Variants in CTNNBIP1 observed in about 807,000 individuals in gnomAD.
CTNNBIP1 encodes beta-catenin-interacting protein 1.
A neutral mutation model predicts 11.8 loss-of-function variants in CTNNBIP1; 7 were observed. That is an observed-to-expected ratio of 0.60 (90% CI 0.34 to 1.12). CTNNBIP1 has a LOEUF of 1.12. CTNNBIP1 is among the 50% of genes most tolerant of loss of function. The pLI is 0.03. For missense variants in CTNNBIP1, 101 were observed against 113.4 expected, an observed-to-expected ratio of 0.89 and a Z score of 0.50; for synonymous variants, 58 against 43.9, an observed-to-expected ratio of 1.32 and a Z score of -1.26.
In CTNNBIP1 at chr1:9,851,168, A is replaced by T. The variant is rs1388873882; in HGVS notation, c.188-392T>A. Reference sequence around the variant, plus strand: ...GGGAACCTCCCTCTTTCTTCTCAAGACTCGCGTCTTGATGCCTTCGGAGGG... The same window carrying T: ...GGGAACCTCCCTCTTTCTTCTCAAGTCTCGCGTCTTGATGCCTTCGGAGGG... On this transcript the variant is annotated intron_variant, in intron 5 of 5. Transcript: ENST00000377263. This position sits in a 1 kb window ranked among gnomAD's most constrained non-coding sequence, Gnocchi z 4.8. 6.6e-6 allele frequency among the ~76,000 whole-genome samples: 1 copy of T among 151,920 alleles called. No homozygotes were observed. The highest frequency in any genetic ancestry group is 1.5e-5 in the Non-Finnish European group (1 of 68,000).
chr1:9,881,778 C>T (rs1044257159), intron 2 of CTNNBIP1, among the ~76,000 whole-genome samples: 5 of 152,152 alleles, frequency 3.3e-5, no homozygotes, highest in Non-Finnish European at 5.9e-5. Context: ...TAAGTAGACA[C>T]TAAATGGACT....
rs1293945126 is a variant in CTNNBIP1, at chr1:9,871,334, C to A, written c.97-57G>T. Reference sequence around the variant, plus strand: ...GCATGCACCTGTTCCCTGAAAGGCACCTGCACCCCTAGAGGCACCGCCTAG... The same window carrying A: ...GCATGCACCTGTTCCCTGAAAGGCAACTGCACCCCTAGAGGCACCGCCTAG... On this transcript the variant is annotated intron_variant, in intron 4 of 5. Coordinates refer to ENST00000377263, the MANE Select transcript of CTNNBIP1 (RefSeq NM_020248.3). The surrounding 1 kb of genome is among the most constrained non-coding windows in gnomAD (Gnocchi z 5.2). 1 of 1,309,192 alleles carries A rather than the reference C, an allele frequency of 7.6e-7. No individual in the cohort carries two copies. The allele number at this position is 1,309,192 out of a possible 1,614,324, so 81.1% of individuals were successfully genotyped here.
intron 1 of CTNNBIP1, among the ~76,000 whole-genome samples, chr1:9,906,312 C>A (rs1039157846): frequency 1.3e-5 from 2 of 152,104 alleles, no homozygotes; most frequent in Non-Finnish European, 2.9e-5. Flanking sequence ...AATCCCAACA[C>A]TTTAGGAGGC....
chr1:9,873,485 G>A (rs1301288866), intron 3 of CTNNBIP1, among the ~76,000 whole-genome samples: 2 of 152,108 alleles, frequency 1.3e-5, no homozygotes, highest in African/African-American at 4.8e-5. Flanking sequence ...CTCTGTTCTG[G>A]GGTATCACTC....
intron 5 of CTNNBIP1, among the ~76,000 whole-genome samples, chr1:9,852,753 T>C (rs973514014): frequency 7.2e-5 from 11 of 152,326 alleles, no homozygotes; most frequent in African/African-American, 2.6e-4. Flanking sequence ...GTGGCAGTGA[T>C]GGTGGCAGCC....
At chr1:9,900,764 T>C (rs771038503) in intron 1 of CTNNBIP1, among the ~76,000 whole-genome samples, 5 of 152,292 alleles carry the variant, frequency 3.3e-5, no homozygotes, top group South Asian at 4.1e-4. Context: ...AGCCCCACCA[T>C]GTCTTCCAAA....
chr1:9,888,912 C>G (rs1639241088), intron 1 of CTNNBIP1, among the ~76,000 whole-genome samples: 1 of 152,210 alleles, frequency 6.6e-6, no homozygotes, highest in African/African-American at 2.4e-5. Flanking sequence ...TCCACCTGAC[C>G]TCATTCAATA....
At chr1:9,885,136 T>C (rs1391943670) in intron 1 of CTNNBIP1, among the ~76,000 whole-genome samples, 1 of 151,364 alleles carries the variant, frequency 6.6e-6, no homozygotes. Context: ...CAGCAGAGGG[T>C]GAGGGTTCAA....
chr1:9,887,731 C>T (rs1639214806), intron 1 of CTNNBIP1, among the ~76,000 whole-genome samples: 2 of 151,882 alleles, frequency 1.3e-5, no homozygotes, highest in South Asian at 4.1e-4. Context: ...GAAAAATCCA[C>T]CTTACAGGAA....
Position 9,852,252 on chromosome 1 carries a change from GGGAGGGCCAGAGAT to G in CTNNBIP1, c.188-1490_188-1477del, listed in dbSNP as rs1638406764. On this transcript the variant is annotated intron_variant, in intron 5 of 5. Transcript: ENST00000377263. ...GAGAGGGAGGACGCACCCAGCTGTC[GGGAGGGCCAGAGAT>G]GGAGGGCCCAACTACAAGGATGCAA... Among the ~76,000 whole-genome samples the G allele has an allele frequency of 2.0e-5, 3 of 152,112 alleles. No individual in the cohort carries two copies. The South Asian group carries it at 6.2e-4, about 32-fold the overall frequency.
Position 9,871,865 on chromosome 1 carries a change from G to T in CTNNBIP1, c.96+104C>A. On this transcript the variant is annotated intron_variant, in intron 4 of 5. Transcript: ENST00000377263. The surrounding 1 kb of genome is among the most constrained non-coding windows in gnomAD (Gnocchi z 5.2). ...CGGCCCCTCCTCAGCCCGTGGCTCC[G>T]CAGGAGGCAGCCGCAGTGGCTCCAC... is the stretch of plus-strand genomic sequence containing the variant. 1 of 991,818 alleles carries T rather than the reference G, an allele frequency of 1.0e-6. No individual in the cohort carries two copies. Among genetic ancestry groups the T allele is most frequent in the Middle Eastern group, 2.2e-4 (1 of 4,522 alleles). 61.4% of individuals were successfully genotyped at this position (991,818 alleles called of 1,614,324 possible).
chr1:9,876,841 T>TACACACAC (rs1368991651), intron 3 of CTNNBIP1, among the ~76,000 whole-genome samples: 2 of 97,312 alleles, frequency 2.1e-5, no homozygotes, highest in Non-Finnish European at 3.9e-5. Flanking sequence ...ACTCCTGCTA[T>TACACACAC]ACATACACAC....
Position 9,872,707 on chromosome 1 carries a change from T to C in CTNNBIP1, c.-24-619A>G, listed in dbSNP as rs145152171. Among the ~76,000 whole-genome samples the C allele has an allele frequency of 1.5e-4, 23 of 152,142 alleles. No homozygotes were observed. The highest frequency in any genetic ancestry group is 4.8e-4 in the African/African-American group (20 of 41,514). On this transcript the variant is annotated intron_variant, in intron 3 of 5. Transcript: ENST00000377263. This position sits in a 1 kb window ranked among gnomAD's most constrained non-coding sequence, Gnocchi z 4.0. ...GTTGCAGGGCTTGCTACCTCAGCCCTCACAAACCCACCCCACCTGTCAGAG... is the reference window on the plus strand; with the variant it reads ...GTTGCAGGGCTTGCTACCTCAGCCCCCACAAACCCACCCCACCTGTCAGAG...
intron 5 of CTNNBIP1, among the ~76,000 whole-genome samples, chr1:9,866,786 A>G (rs760871343): frequency 3.3e-5 from 5 of 151,898 alleles, no homozygotes; most frequent in Non-Finnish European, 5.9e-5. Flanking sequence ...GCAAGATGGG[A>G]AGTCGAGATG....
At chr1:9,888,936 G>A (rs866670861) in intron 1 of CTNNBIP1, among the ~76,000 whole-genome samples, 5 of 152,190 alleles carry the variant, frequency 3.3e-5, no homozygotes, top group Non-Finnish European at 7.3e-5. Flanking sequence ...CCCCGCAATG[G>A]CCAGAATGCA....
chr1:9,897,221 G>A (rs1392991462), intron 1 of CTNNBIP1, among the ~76,000 whole-genome samples: 2 of 151,952 alleles, frequency 1.3e-5, no homozygotes, highest in African/African-American at 2.4e-5. Context: ...TTGGGAGGCC[G>A]AGGCGGGCGG....
chr1:9,896,340 T>C (rs1452487589), intron 1 of CTNNBIP1, among the ~76,000 whole-genome samples: 2 of 152,184 alleles, frequency 1.3e-5, no homozygotes, highest in Non-Finnish European at 2.9e-5. Flanking sequence ...GTATAAAACA[T>C]GGAGTGAATG....
At chr1:9,853,628 TG>T (rs1251483894) in intron 5 of CTNNBIP1, among the ~76,000 whole-genome samples, 2 of 152,250 alleles carry the variant, frequency 1.3e-5, no homozygotes, top group Non-Finnish European at 2.9e-5. Flanking sequence ...GGCTGCCAGC[TG>T]GGTTTCCTAC....
At chr1:9,909,575 G>A (rs1008087179) in intron 1 of CTNNBIP1, among the ~76,000 whole-genome samples, 1 of 152,156 alleles carries the variant, frequency 6.6e-6, no homozygotes, top group African/African-American at 2.4e-5. Context: ...TAATTTTGCA[G>A]GTTCGTGCAT....
Sources: allele counts gnomAD v4.1 joint callset (sites outside exome capture counted in the v4.1 genomes callset), GRCh38; gene constraint gnomAD v4.1.1; non-coding constraint Gnocchi (gnomAD v3.1); transcripts MANE v1.5; gene names NCBI Gene and HGNC (gene_info 2026-07-23, HGNC 2026-07-21).